Variants in DCC observed in about 807,000 individuals in gnomAD.
DCC encodes netrin receptor DCC.
In DCC, 58 loss-of-function variants were observed where a neutral mutation model predicts 172.5. The ratio of observed to expected loss-of-function variants is 0.34; its 90% CI spans 0.27 to 0.42. The LOEUF (loss-of-function observed/expected upper bound fraction) is 0.42, where lower values mean the gene tolerates loss of function less well. Among genes scored for constraint, DCC ranks in the 10% least tolerant of loss-of-function variants. The pLI is 1.00. For synonymous variants in DCC, 709 were observed against 644.5 expected (o/e 1.10, Z -1.52); for missense variants, 1,740 against 1,791.0 (o/e 0.97, Z 0.51).
intron 1 of DCC, among the ~76,000 whole-genome samples, chr18:52,350,497 G>T (rs1033446935): frequency 3.3e-5 from 5 of 151,962 alleles, no homozygotes; most frequent in African/African-American, 1.2e-4. Flanking sequence ...CACAGGAAGG[G>T]GAACATCATC....
intron 3 of DCC, among the ~76,000 whole-genome samples, chr18:52,921,339 T>C (rs545272508): frequency 6.6e-6 from 1 of 152,110 alleles, no homozygotes; most frequent in African/African-American, 2.4e-5. Context: ...AAATAAAAAA[T>C]TTTAAATAAA....
chr18:53,099,943 C>CT (rs533618559), intron 7 of DCC, among the ~76,000 whole-genome samples: 4,920 of 92,532 alleles, frequency 0.053, 348 homozygotes, highest in African/African-American at 0.14. Context: ...TTCTTTCTTT[C>CT]TTTTTTTTTT....
chr18:52,341,150 T>G (rs1983615448), intron 1 of DCC, among the ~76,000 whole-genome samples: 1 of 150,776 alleles, frequency 6.6e-6, no homozygotes, highest in South Asian at 2.1e-4. Context: ...CTTGGGTTGG[T>G]TTGGAGAGCC....
chr18:53,016,358 A>C (rs1223508784), intron 5 of DCC, among the ~76,000 whole-genome samples: 3 of 150,168 alleles, frequency 2.0e-5, no homozygotes, highest in African/African-American at 7.6e-5. Context: ...ACACAGCAAA[A>C]TAGCAAAATA....
intron 7 of DCC, among the ~76,000 whole-genome samples, chr18:53,134,064 A>G (rs759690073): frequency 1.3e-5 from 2 of 152,168 alleles, no homozygotes; most frequent in African/African-American, 4.8e-5. Flanking sequence ...ATTTACTTTC[A>G]GCCAGTCATA....
Position 53,050,230 on chromosome 18 carries a change from G to A in DCC, c.986-13075G>A, listed in dbSNP as rs972421040. On this transcript the variant is annotated intron_variant, in intron 5 of 28. Transcript: ENST00000442544. ...CCATTGTGGATGGGTCTTCCTGAGG[G>A]TGGGTCTTCCTCTCCCAGTACACTG... 9.2e-5 allele frequency among the ~76,000 whole-genome samples: 14 copies of A among 152,136 alleles called. 1 individual carries two copies. In the East Asian group the frequency reaches 2.7e-3, roughly 30 times the overall value.
At chr18:53,456,243 G>T (rs930037852) in intron 23 of DCC, among the ~76,000 whole-genome samples, 8 of 152,168 alleles carry the variant, frequency 5.3e-5, no homozygotes, top group Admixed American at 2.0e-4. Flanking sequence ...AAGGCACTGT[G>T]GGCAGAAATT....
intron 1 of DCC, among the ~76,000 whole-genome samples, chr18:52,521,375 T>C (rs890667044): frequency 4.5e-4 from 69 of 152,300 alleles, no homozygotes; most frequent in African/African-American, 1.6e-3. Context: ...CAAAACACCA[T>C]GGACTGTTTG....
chr18:52,420,702 AG>A (rs1987218685), intron 1 of DCC, among the ~76,000 whole-genome samples: 1 of 152,154 alleles, frequency 6.6e-6, no homozygotes, highest in African/African-American at 2.4e-5. Context: ...AAGAGGTTAA[AG>A]CAGGTCTTGA....
intron 1 of DCC, among the ~76,000 whole-genome samples, chr18:52,453,157 C>T (rs903932134): frequency 6.6e-6 from 1 of 152,168 alleles, no homozygotes; most frequent in Non-Finnish European, 1.5e-5. Context: ...CAGCTAAGCT[C>T]TTGTAGAACA....
rs554461200 is a variant in DCC, at chr18:52,792,509, G to A, written c.412+40135G>A. Among the ~76,000 whole-genome samples the A allele has an allele frequency of 7.6e-4, 116 of 152,236 alleles. 5 individuals are homozygous for A. In the South Asian group the frequency reaches 0.022, roughly 29 times the overall value. On this transcript the variant is annotated intron_variant, in intron 2 of 28. Coordinates refer to ENST00000442544, the MANE Select transcript of DCC (RefSeq NM_005215.4). Reference sequence around the variant, plus strand: ...AGCCAGAAGTTCTCAGTTGCCCCAGGACTTCTTCCAGCCCCATACAATGGC... The same window carrying A: ...AGCCAGAAGTTCTCAGTTGCCCCAGAACTTCTTCCAGCCCCATACAATGGC...
intron 1 of DCC, among the ~76,000 whole-genome samples, chr18:52,451,258 C>A (rs1163298184): frequency 4.6e-5 from 7 of 152,118 alleles, no homozygotes; most frequent in African/African-American, 1.7e-4. Flanking sequence ...TCTTATTTTA[C>A]ACAGAAATAC....
At chr18:52,802,390 C>T (rs2038006356) in intron 2 of DCC, among the ~76,000 whole-genome samples, 2 of 151,806 alleles carry the variant, frequency 1.3e-5, no homozygotes, top group African/African-American at 2.4e-5. Context: ...ATATATATAA[C>T]TGTACGTAAT....
chr18:52,826,772 C>T (rs1332673801), intron 2 of DCC, among the ~76,000 whole-genome samples: 2 of 152,170 alleles, frequency 1.3e-5, no homozygotes, highest in African/African-American at 4.8e-5. Flanking sequence ...AGCCACCACA[C>T]CCAGCCAAAA....
intron 2 of DCC, among the ~76,000 whole-genome samples, chr18:52,891,084 A>C (rs1369367330): frequency 6.6e-6 from 1 of 152,116 alleles, no homozygotes; most frequent in Non-Finnish European, 1.5e-5. Flanking sequence ...CTTAGTTATA[A>C]GCAAAGGAAA....
chr18:53,234,109 G>A (rs79378934), intron 12 of DCC, among the ~76,000 whole-genome samples: 6,374 of 152,220 alleles, frequency 0.042, 413 homozygotes, highest in African/African-American at 0.14. Context: ...AATTATCTGG[G>A]CATGGTGAGG....
intron 15 of DCC, among the ~76,000 whole-genome samples, chr18:53,340,380 T>C (rs559888463): frequency 1.3e-5 from 2 of 152,256 alleles, no homozygotes; most frequent in African/African-American, 4.8e-5. Flanking sequence ...ACCGTTAACA[T>C]TCCAAATATG....
chr18:52,497,426 CA>C (rs1456530423), intron 1 of DCC, among the ~76,000 whole-genome samples: 1 of 145,486 alleles, frequency 6.9e-6, no homozygotes, highest in Non-Finnish European at 1.5e-5. Flanking sequence ...CACACATATA[CA>C]CATACATATA....
At chr18:52,622,847 A>G (rs80082734) in intron 1 of DCC, among the ~76,000 whole-genome samples, 1 of 151,828 alleles carries the variant, frequency 6.6e-6, no homozygotes, top group Admixed American at 6.6e-5. Flanking sequence ...TTAGGTGACC[A>G]AAAAAAATGA....
Sources: allele counts gnomAD v4.1 joint callset (sites outside exome capture counted in the v4.1 genomes callset), GRCh38; gene constraint gnomAD v4.1.1; transcripts MANE v1.5; gene names NCBI Gene and HGNC (gene_info 2026-07-23, HGNC 2026-07-21).